Variants in PDGFC observed in about 807,000 individuals in gnomAD.
PDGFC encodes the protein platelet-derived growth factor C.
A neutral mutation model predicts 35.5 loss-of-function variants in PDGFC; 12 were observed. The observed-to-expected ratio is 0.34, with a 90% CI of 0.22 to 0.55. PDGFC has a LOEUF of 0.55. PDGFC is among the 20% of genes least tolerant of loss of function. The pLI is 0.91. For missense variants in PDGFC, 322 were observed against 412.4 expected (o/e 0.78, Z 1.90); for synonymous variants, 159 against 148.8 (o/e 1.07, Z -0.50).
intron 1 of PDGFC, among the ~76,000 whole-genome samples, chr4:156,930,618 G>C (rs1206901745): frequency 6.6e-6 from 1 of 152,058 alleles, no homozygotes; most frequent in East Asian, 1.9e-4. Flanking sequence ...CTGTAATCCC[G>C]GCACTTTGGG....
intron 1 of PDGFC, among the ~76,000 whole-genome samples, chr4:156,883,735 T>C (rs1344333922): frequency 1.3e-5 from 2 of 152,190 alleles, no homozygotes; most frequent in Non-Finnish European, 2.9e-5. Context: ...TTTCTCTCAG[T>C]GTACCTTAAA....
Position 156,762,249 on chromosome 4 carries a change from C to G in PDGFC, c.*841G>C, listed in dbSNP as rs1730396830. 1 of 152,234 alleles carries G rather than the reference C, an allele frequency of 6.6e-6. No individual in the cohort carries two copies. Among genetic ancestry groups the G allele is most frequent in the East Asian group, 1.9e-4 (1 of 5,184 alleles). 9.4% of individuals were successfully genotyped at this position (152,234 alleles called of 1,614,324 possible). On this transcript the variant is annotated 3_prime_UTR_variant, in exon 6 of 6. Transcript: ENST00000502773. The stretch of plus-strand genomic sequence containing the variant: ...AACAATTGTGTTTAGAAAAATTTAC[C>G]AAGCTAAAAATAGTTGATCTAAGTT...
chr4:156,791,366 C>T (rs1400303321), intron 3 of PDGFC, among the ~76,000 whole-genome samples: 4 of 152,054 alleles, frequency 2.6e-5, no homozygotes, highest in African/African-American at 9.7e-5. Context: ...TCCAGCTTAT[C>T]GTGTATTTAT....
intron 1 of PDGFC, among the ~76,000 whole-genome samples, chr4:156,943,836 C>A (rs975537979): frequency 6.6e-6 from 1 of 152,088 alleles, no homozygotes; most frequent in African/African-American, 2.4e-5. Flanking sequence ...AGTGAATAAA[C>A]CAGAATTTAA....
At chr4:156,835,345 T>C (rs534680018) in intron 2 of PDGFC, among the ~76,000 whole-genome samples, 18 of 152,318 alleles carry the variant, frequency 1.2e-4, no homozygotes, top group African/African-American at 3.4e-4. Context: ...TGTCAATTAG[T>C]TCAGCCAAGC....
chr4:156,917,605 T>A (rs1731182599), intron 1 of PDGFC, among the ~76,000 whole-genome samples: 1 of 152,232 alleles, frequency 6.6e-6, no homozygotes, highest in Admixed American at 6.5e-5. Context: ...GATTATAGAA[T>A]CAATATGTTA....
chr4:156,895,561 G>A (rs541032893), intron 1 of PDGFC, among the ~76,000 whole-genome samples: 46 of 151,938 alleles, frequency 3.0e-4, no homozygotes, highest in African/African-American at 1.0e-3. Flanking sequence ...GAACCCGGGA[G>A]GCAGAGGTTG....
At chr4:156,886,007 A>G (rs1001437670) in intron 1 of PDGFC, among the ~76,000 whole-genome samples, 8 of 152,202 alleles carry the variant, frequency 5.3e-5, no homozygotes, top group African/African-American at 1.4e-4. Flanking sequence ...TTAGTCTTGC[A>G]TTACAGTTCA....
chr4:156,885,152 TACATACAC>T (rs141667181), intron 1 of PDGFC, among the ~76,000 whole-genome samples: 9,264 of 131,012 alleles, frequency 0.071, 371 homozygotes, highest in Middle Eastern at 0.12. Flanking sequence ...TGTATGTGCA[TACATACAC>T]ACACACACAC....
intron 2 of PDGFC, among the ~76,000 whole-genome samples, chr4:156,818,015 C>T (rs1732140271): frequency 2.7e-5 from 4 of 149,416 alleles, no homozygotes; most frequent in African/African-American, 5.0e-5. Context: ...GCCAAGATCA[C>T]GCCAACGCAC....
intron 3 of PDGFC, among the ~76,000 whole-genome samples, chr4:156,793,557 ATATAT>A (rs1560814420): frequency 1.3e-4 from 19 of 145,798 alleles, no homozygotes; most frequent in African/African-American, 4.8e-4. Flanking sequence ...ATATATATAT[ATATAT>A]AAAACACTTT....
chr4:156,935,379 GTCAT>G (rs1731654058), intron 1 of PDGFC, among the ~76,000 whole-genome samples: 1 of 151,818 alleles, frequency 6.6e-6, no homozygotes, highest in African/African-American at 2.4e-5. Context: ...CAGTAACACA[GTCAT>G]TCATTATCTT....
intron 1 of PDGFC, among the ~76,000 whole-genome samples, chr4:156,853,536 T>C (rs1347152959): frequency 1.3e-5 from 2 of 152,236 alleles, no homozygotes. Context: ...ATACTGCTAT[T>C]GGCTGTAATA....
At chr4:156,909,402 A>G (rs945555148) in intron 1 of PDGFC, among the ~76,000 whole-genome samples, 32 of 152,320 alleles carry the variant, frequency 2.1e-4, no homozygotes, top group African/African-American at 7.7e-4. Flanking sequence ...CATTGCAAAT[A>G]TTATGGCCAG....
chr4:156,821,116 T>G (rs182613725), intron 2 of PDGFC, among the ~76,000 whole-genome samples: 1 of 152,028 alleles, frequency 6.6e-6, no homozygotes, highest in African/African-American at 2.4e-5. Context: ...CAAGATGGCT[T>G]GGAGTATATA....
At chr4:156,778,691 T>A (rs752927780) in intron 3 of PDGFC, among the ~76,000 whole-genome samples, 4 of 152,220 alleles carry the variant, frequency 2.6e-5, no homozygotes, top group Non-Finnish European at 5.9e-5. Context: ...CCATAGCTTG[T>A]CATTTTATTA....
At position 156,810,845 on chromosome 4, in the gene PDGFC, C is replaced by T. The variant is rs1473687179; in HGVS notation, c.487G>A (p.Val163Ile). Residue 163 changes from valine (V) to isoleucine (I), a missense_variant, in exon 3 of 6, where the codon GTC becomes ATC. Around this residue, in one of 2 missense-constraint regions of PDGFC, gnomAD observed 202 missense variants for 295.9 expected, o/e 0.68. Transcript: ENST00000502773. ...CTGAAAGTGGTACTTACTGGCATGA[C>T]AATGTTGTAGTGGATGCAGAACCCT... ...EPGFCIHYNI[V>I]MPQFTEAVSP... 1 of 1,591,268 alleles carries T rather than the reference C, an allele frequency of 6.3e-7. No individual in the cohort carries two copies. The highest frequency in any genetic ancestry group is 1.7e-5 in the Admixed American group (1 of 58,004).
intron 3 of PDGFC, among the ~76,000 whole-genome samples, chr4:156,788,468 T>G (rs543792518): frequency 6.6e-6 from 1 of 152,318 alleles, no homozygotes; most frequent in South Asian, 2.1e-4. Context: ...ATCAGAAACT[T>G]AGCAGGGCCA....
intron 1 of PDGFC, among the ~76,000 whole-genome samples, chr4:156,897,345 A>AGTGTGTGTGTGTGT (rs1444359699): frequency 2.3e-5 from 2 of 86,488 alleles, no homozygotes; most frequent in Admixed American, 1.4e-4. Flanking sequence ...AGTGTGTGAG[A>AGTGTGTGTGTGTGT]GTGTATGTGT....
Sources: gnomAD v4.1 joint callset for allele counts (sites outside exome capture counted in the v4.1 genomes callset) on GRCh38, gnomAD v4.1.1 for gene constraint, gnomAD v4.1.1 regional missense constraint, MANE v1.5 for transcripts, NCBI Gene and HGNC (gene_info 2026-07-23, HGNC 2026-07-21) for gene names.